The following MUC4 variants were observed in gnomAD, a reference collection of about 807,000 sequenced individuals.
MUC4 encodes mucin 4, cell surface associated.
MUC4 carries 202 observed loss-of-function variants against 257.9 expected under a neutral mutation model. The ratio of observed to expected loss-of-function variants is 0.78; its 90% confidence interval spans 0.70 to 0.88. The LOEUF (loss-of-function observed/expected upper bound fraction) is 0.88. Among genes scored for constraint, MUC4 ranks in the 40% least tolerant of loss-of-function variants. The probability of loss-of-function intolerance (pLI) is 0.00; values close to 1 mark genes in which losing one functional copy is unlikely to be tolerated. For synonymous variants in MUC4, 2,351 were observed against 2,757.1 expected (o/e 0.85, Z 4.62); for missense variants, 5,976 against 6,513.7 (o/e 0.92, Z 2.84).
chr3:195,764,809 G>A (rs540960070), intron 10 of MUC4, among the ~76,000 whole-genome samples, 188 bp downstream of exon 10: 1 of 152,286 alleles, frequency 6.6e-6, no homozygotes, highest in African/African-American at 2.4e-5. Context: ...GATGAGGAAA[G>A]AGGCTCTCAG....
rs190912259 is a variant in MUC4, at chr3:195,778,714, T to C, written c.12790+76A>G. The C allele has an allele frequency of 7.6e-6, 11 of 1,453,184 alleles. No individual in the cohort carries two copies. In the East Asian group the frequency reaches 1.5e-4, roughly 19 times the overall value. The allele number at this position is 1,453,184 out of a possible 1,614,324, so 90.0% of individuals were successfully genotyped here. ...ACCAGGTAATGCGAATGCACCAGTG[T>C]TCTCAGGTACTCCTTAGGCTGAATT... On this transcript the variant is annotated intron_variant, in intron 2 of 24. Coordinates refer to ENST00000463781, the MANE Select transcript of MUC4 (RefSeq NM_018406.7).
Position 195,782,931 on chromosome 3 carries a change from G to C in MUC4, c.8649C>G (p.Val2883=). 1 of 1,508,074 alleles carries C rather than the reference G, an allele frequency of 6.6e-7. No individual in the cohort carries two copies. The highest frequency in any genetic ancestry group is 8.9e-7 in the Non-Finnish European group (1 of 1,124,036). The allele number at this position is 1,508,074 out of a possible 1,614,324, so 93.4% of individuals were successfully genotyped here. The part of the protein sequence containing the change: ...VSTGHATPLP[V]TDASSVSTGH... ...CTGTGGACACTGAGGAAGCGTCGGT[G>C]ACAGGAAGAGGGGTGGCATGACCTG... The change falls in exon 2 of 25, where the codon GTC becomes GTG. Residue 2883 remains valine (V), a synonymous_variant. Coordinates refer to ENST00000463781, the MANE Select transcript of MUC4 (RefSeq NM_018406.7).
In MUC4 at chr3:195,783,271, G is replaced by C; in HGVS notation, c.8309C>G (p.Pro2770Arg). ...SASTGHATPLPVTNTSSVSTG... is the reference protein window; with the variant it reads ...SASTGHATPLRVTNTSSVSTG... The stretch of plus-strand genomic sequence containing the variant: ...GGATACTGAGGAAGTGTTGGTGACA[G>C]GAAGAGGGGTGGCGTGACCTGTGGA... The change falls in exon 2 of 25, where the codon CCT (proline) becomes CGT (arginine). Residue 2770 changes from proline to arginine, a missense_variant. Transcript: ENST00000463781. 1 of 1,445,362 alleles carries C rather than the reference G, an allele frequency of 6.9e-7. No individual in the cohort carries two copies. Among genetic ancestry groups the C allele is most frequent in the East Asian group, 2.5e-5 (1 of 39,740 alleles). 89.5% of individuals were successfully genotyped at this position (1,445,362 alleles called of 1,614,324 possible).
At position 195,807,266 on chromosome 3, in the gene MUC4, C is replaced by T. The variant is rs551449952; in HGVS notation, c.82+4470G>A. ...AGCGGATCACCTGAGGTCAGGAGTT[C>T]GAGACCAGCCTGGCCAACATGGTGA... is the stretch of plus-strand genomic sequence containing the variant. On this transcript the variant is annotated intron_variant, in intron 1 of 24. Coordinates refer to ENST00000463781, the MANE Select transcript of MUC4 (RefSeq NM_018406.7). Among the ~76,000 whole-genome samples the T allele has an allele frequency of 1.6e-4, 24 of 152,280 alleles. 1 individual carries two copies. Among genetic ancestry groups the T allele is most frequent in the East Asian group, 1.5e-3 (8 of 5,186 alleles).
At chr3:195,751,668 C>T (rs187926706) in intron 21 of MUC4, 25 of 322,208 alleles carry the variant, frequency 7.8e-5, no homozygotes, top group African/African-American at 5.2e-4. Context: ...GGAGTCTAAA[C>T]TCAAAGAGTG....
intron 2 of MUC4, 110 bp downstream of exon 2, chr3:195,778,680 C>G (rs1578184064): frequency 1.5e-6 from 2 of 1,348,886 alleles, no homozygotes; most frequent in South Asian, 2.9e-5. Flanking sequence ...TGGGACCTGA[C>G]ACGGCCCCAC....
chr3:195,763,421 C>G lies in MUC4; in HGVS notation c.14253+12G>C, dbSNP rs1434887528. ...GTGGAATGCAGGGAGGTTCCCGGCACCCCTCACTCACCGTGACGGGGCCCA... is the reference window on the plus strand; with the variant it reads ...GTGGAATGCAGGGAGGTTCCCGGCAGCCCTCACTCACCGTGACGGGGCCCA... On this transcript the variant is annotated intron_variant, in intron 12 of 24. Transcript: ENST00000463781. The G allele has an allele frequency of 2.1e-6, 3 of 1,403,870 alleles. No homozygotes were observed. In the East Asian group the frequency reaches 8.4e-5, roughly 39 times the overall value. 87.0% of individuals were successfully genotyped at this position (1,403,870 alleles called of 1,614,324 possible). A position where few individuals can be genotyped will look rare whatever the true frequency, so the allele number is the denominator to read the frequency against.
intron 21 of MUC4, 174 bp downstream of exon 21, chr3:195,752,198 TG>T (rs1304928905): frequency 7.9e-6 from 5 of 635,200 alleles, no homozygotes; most frequent in African/African-American, 1.8e-5. Flanking sequence ...GTTTCTGTCT[TG>T]GGCCTTCCTC....
At chr3:195,749,219 G>T (rs1470469844) in intron 23 of MUC4, among the ~76,000 whole-genome samples, 155 bp from the exon 24 acceptor site, 14 of 152,278 alleles carry the variant, frequency 9.2e-5, no homozygotes, top group African/African-American at 2.9e-4. Flanking sequence ...TCAGCATGGT[G>T]GATAATAGTA....
chr3:195,806,350 C>T (rs1735986503), intron 1 of MUC4, among the ~76,000 whole-genome samples: 1 of 152,190 alleles, frequency 6.6e-6, no homozygotes, highest in African/African-American at 2.4e-5. Context: ...CCCTTCCTGA[C>T]TTGTCAGTCA....
At chr3:195,792,952 G>T (rs1734050652) in intron 1 of MUC4, among the ~76,000 whole-genome samples, 1 of 152,150 alleles carries the variant, frequency 6.6e-6, no homozygotes, top group South Asian at 2.1e-4. Context: ...TGGACACAGA[G>T]AGGGGAACAA....
intron 20 of MUC4, 124 bp downstream of exon 20, chr3:195,752,927 T>A: frequency 1.1e-6 from 1 of 907,736 alleles, no homozygotes; most frequent in South Asian, 1.8e-5. Context: ...CCCAGAGAAA[T>A]CTGGAGCTCT....
chr3:195,769,918 T>C (rs1311902810), intron 6 of MUC4, among the ~76,000 whole-genome samples: 1 of 152,120 alleles, frequency 6.6e-6, no homozygotes, highest in African/African-American at 2.4e-5. Flanking sequence ...CCACGTGAAA[T>C]TGTGAATAGC....
intron 1 of MUC4, among the ~76,000 whole-genome samples, chr3:195,808,905 G>A (rs139118489): frequency 1.3e-5 from 2 of 152,156 alleles, no homozygotes; most frequent in African/African-American, 2.4e-5. Flanking sequence ...GGGGTTCTCC[G>A]AGGAGGGGCC....
At position 195,789,245 on chromosome 3, in the gene MUC4, T is replaced by G. The variant is rs1351899124; in HGVS notation, c.2335A>C (p.Thr779Pro). The change falls in exon 2 of 25, where the codon ACA becomes CCA. Residue 779 changes from threonine (T) to proline (P), a missense_variant. Thr to Pro is a conservative substitution (Grantham distance 38, BLOSUM62 -1). Around this residue, in one of 44 missense-constraint regions of MUC4, gnomAD observed 1,583 missense variants for 1,257.4 expected, o/e 1.26. Coordinates refer to ENST00000463781, the MANE Select transcript of MUC4 (RefSeq NM_018406.7). ...GTCTGTGTTTGTCCAGAGGCCTCTG[T>G]GCTCTCAGCCTGGTGGGTATGGGTC... Reference protein sequence around the residue: ...AMTHTHQAESTEASGQTQTSE... With the variant: ...AMTHTHQAESPEASGQTQTSE... 9 of 1,613,814 alleles carry G rather than the reference T, an allele frequency of 5.6e-6. No individual in the cohort carries two copies. The highest frequency in any genetic ancestry group is 6.8e-6 in the Non-Finnish European group (8 of 1,179,856).
At chr3:195,759,487 CAA>C (rs1162057206) in intron 16 of MUC4, among the ~76,000 whole-genome samples, 1 of 152,156 alleles carries the variant, frequency 6.6e-6, no homozygotes, top group Admixed American at 6.5e-5. Flanking sequence ...CCCACCTCCT[CAA>C]AAAGAGCTCC....
At position 195,786,838 on chromosome 3, in the gene MUC4, T is replaced by C. The variant is rs1732307671; in HGVS notation, c.4742A>G (p.His1581Arg). ...GTCGGTGACAGGAAGAGGGGTGGTGTGACCTGTAGATGCTGAGGAAGGGCT... is the reference window on the plus strand; with the variant it reads ...GTCGGTGACAGGAAGAGGGGTGGTGCGACCTGTAGATGCTGAGGAAGGGCT... The part of the protein sequence containing the change: ...VTSPSSASTG[H>R]TTPLPVTDTS... Residue 1581 changes from histidine to arginine, a missense_variant, in exon 2 of 25, where the codon CAC becomes CGC. Transcript: ENST00000463781. The C allele has an allele frequency of 6.5e-7, 1 of 1,527,948 alleles. No individual in the cohort carries two copies. Among genetic ancestry groups the C allele is most frequent in the African/African-American group, 1.4e-5 (1 of 69,674 alleles). The allele number at this position is 1,527,948 out of a possible 1,614,324, so 94.6% of individuals were successfully genotyped here.
rs1028134583 is a variant in MUC4 at position 195,789,912 on chromosome 3, T to G, written c.1668A>C (p.Pro556=). 6.2e-7 allele frequency: 1 copy of G among 1,613,988 alleles called. No individual in the cohort carries two copies. Among genetic ancestry groups the G allele is most frequent in the African/African-American group, 1.3e-5 (1 of 75,026 alleles). Reference sequence around the variant, plus strand: ...TCTGGGCGCCTGCCCCTGTTGTTTTTGGGAGAGTTGTGCTGTGGGAGGAGT... The same window carrying G: ...TCTGGGCGCCTGCCCCTGTTGTTTTGGGGAGAGTTGTGCTGTGGGAGGAGT... ...TTYSSHSTTL[P]KTTGAGAQTQ... is the part of the protein sequence containing the mutation. The change falls in exon 2 of 25, where the codon CCA becomes CCC. Residue 556 remains proline, a synonymous_variant. Transcript: ENST00000463781.
intron 1 of MUC4, among the ~76,000 whole-genome samples, chr3:195,808,026 C>T (rs1003172329): frequency 3.3e-5 from 5 of 152,256 alleles, no homozygotes; most frequent in Admixed American, 2.0e-4. Flanking sequence ...CCTCGGGGTC[C>T]GTTCATGCAG....
Sources: allele counts gnomAD v4.1 joint callset (sites outside exome capture counted in the v4.1 genomes callset), GRCh38; gene constraint gnomAD v4.1.1; regional missense constraint gnomAD v4.1.1; transcripts MANE v1.5; gene names NCBI Gene and HGNC (gene_info 2026-07-23, HGNC 2026-07-21).